Variants in PAAF1 observed in about 807,000 individuals in gnomAD.
PAAF1 encodes the protein proteasomal ATPase associated factor 1.
Under a neutral mutation model 52.8 loss-of-function variants are expected in PAAF1, and 46 were observed. The ratio of observed to expected loss-of-function variants is 0.87; its 90% CI spans 0.69 to 1.11. PAAF1 has a LOEUF of 1.11. Among genes scored for constraint, PAAF1 ranks in the 50% most tolerant of loss-of-function variants. The pLI is 0.00. For synonymous variants in PAAF1, 178 were observed against 172.8 expected (o/e 1.03, Z -0.24); for missense variants, 424 against 477.4 (o/e 0.89, Z 1.04).
chr11:73,916,114 A>T (rs954123741), intron 8 of PAAF1, among the ~76,000 whole-genome samples: 1 of 151,994 alleles, frequency 6.6e-6, no homozygotes, highest in Non-Finnish European at 1.5e-5. Context: ...TTACATTGCT[A>T]CTTTATTTAA....
intron 7 of PAAF1, among the ~76,000 whole-genome samples, chr11:73,910,989 C>CAAA (rs59523527): frequency 5.8e-5 from 4 of 69,470 alleles, no homozygotes; most frequent in Non-Finnish European, 9.0e-5. Context: ...GACTCTGTCT[C>CAAA]AAAAAAAAAA....
rs1035366295 is a variant in PAAF1 at position 73,928,535 on chromosome 11, T to A, written c.*1173T>A. 3 of 152,228 alleles carry A rather than the reference T, an allele frequency of 2.0e-5. No individual in the cohort carries two copies. Among genetic ancestry groups the A allele is most frequent in the African/African-American group, 7.2e-5 (3 of 41,462 alleles). 9.4% of individuals were successfully genotyped at this position (152,228 alleles called of 1,614,324 possible). Reference sequence around the variant, plus strand: ...CTCTGAGATTTTCCATCTCAGTACATGTAGACGTTCCTCATTCTTTTTTAA... The same window carrying A: ...CTCTGAGATTTTCCATCTCAGTACAAGTAGACGTTCCTCATTCTTTTTTAA... On this transcript the variant is annotated 3_prime_UTR_variant, in exon 12 of 12. Coordinates refer to ENST00000310571, the MANE Select transcript of PAAF1 (RefSeq NM_025155.3).
intron 6 of PAAF1, among the ~76,000 whole-genome samples, chr11:73,901,646 A>G (rs1949616368): frequency 6.6e-6 from 1 of 151,288 alleles, no homozygotes; most frequent in Non-Finnish European, 1.5e-5. Context: ...TCTGTCGCCT[A>G]GGCCGGAGTC....
chr11:73,893,629 C>T (rs183986287), intron 4 of PAAF1, among the ~76,000 whole-genome samples: 8 of 146,424 alleles, frequency 5.5e-5, no homozygotes, highest in Admixed American at 2.8e-4. Context: ...CCCAGCTACT[C>T]GGGAGGTTGA....
At chr11:73,902,879 T>A (rs1416714164) in intron 6 of PAAF1, among the ~76,000 whole-genome samples, 4 of 152,162 alleles carry the variant, frequency 2.6e-5, no homozygotes, top group Non-Finnish European at 5.9e-5. Flanking sequence ...TTTTGTATTT[T>A]TAGTAGAGAC....
chr11:73,885,351 C>T (rs1034040968), intron 2 of PAAF1, among the ~76,000 whole-genome samples: 10 of 151,108 alleles, frequency 6.6e-5, no homozygotes, highest in African/African-American at 2.2e-4. Flanking sequence ...ACTATGTTGG[C>T]CAGGCTGGTC....
rs1334152798 is a variant in PAAF1, at chr11:73,899,240, T to A, written c.377T>A (p.Leu126His). 6.2e-7 allele frequency: 1 copy of A among 1,613,294 alleles called. No homozygotes were observed. The highest frequency in any genetic ancestry group is 8.5e-7 in the Non-Finnish European group (1 of 1,179,416). ...MKIWQASNGE[L>H]RRVLEGHVFD... ...ATCTGGCAGGCTTCCAATGGAGAACTCAGGGTAAAGGATTTGGATGTACTT... is the reference window on the plus strand; with the variant it reads ...ATCTGGCAGGCTTCCAATGGAGAACACAGGGTAAAGGATTTGGATGTACTT... The change falls in exon 5 of 12, where the codon CTC becomes CAC. Residue 126 changes from leucine to histidine, a missense_variant. Transcript: ENST00000310571.
rs973261781 is a variant in PAAF1 at position 73,899,142 on chromosome 11, A to G, written c.283-4A>G. ...AACACATTGTTTGTTTTCTCTTTGA[A>G]CAGATAACATGCCTGGACATTTCCA... On this transcript the variant is annotated splice_region_variant and splice_polypyrimidine_tract_variant and intron_variant, in intron 4 of 11. Coordinates refer to ENST00000310571, the MANE Select transcript of PAAF1 (RefSeq NM_025155.3). 115 of 1,609,398 alleles carry G rather than the reference A, an allele frequency of 7.1e-5. No homozygotes were observed. Among genetic ancestry groups the G allele is most frequent in the Non-Finnish European group, 9.5e-5 (112 of 1,175,932 alleles).
At position 73,891,126 on chromosome 11, in the gene PAAF1, T is replaced by A; in HGVS notation, c.207T>A (p.Ile69=). ...TCTTTGTTTAGAAAAGCATTCATAT[T>A]TCATGTCCAAAGGAAAATGCATCTT... ...VNEINKKSIH[I]SCPKENASSK... is the part of the protein sequence containing the mutation. Residue 69 remains isoleucine, a synonymous_variant, in exon 4 of 12, where the codon ATT becomes ATA. Transcript: ENST00000310571. 1.3e-6 allele frequency: 2 copies of A among 1,595,560 alleles called. No homozygotes were observed. The highest frequency in any genetic ancestry group is 8.6e-7 in the Non-Finnish European group (1 of 1,164,794).
chr11:73,892,065 G>A (rs1396422833), intron 4 of PAAF1, among the ~76,000 whole-genome samples: 3 of 152,090 alleles, frequency 2.0e-5, no homozygotes, highest in Non-Finnish European at 4.4e-5. Context: ...GCTCATGCCC[G>A]TAATCCTAGC....
chr11:73,887,483 C>A, intron 3 of PAAF1, 26 bp downstream of exon 3: 1 of 1,493,932 alleles, frequency 6.7e-7, no homozygotes, highest in South Asian at 1.2e-5. Context: ...TTCTAGATGG[C>A]ATGATATTTA....
Position 73,914,504 on chromosome 11 carries a change from GGCAA to G in PAAF1, c.819+2_819+5del. 6.2e-7 allele frequency: 1 copy of G among 1,613,780 alleles called. No homozygotes were observed. The highest frequency in any genetic ancestry group is 2.2e-5 in the East Asian group (1 of 44,860). On this transcript the variant is annotated splice_donor_variant and splice_donor_region_variant and intron_variant, in intron 8 of 11. Coordinates refer to ENST00000310571, the MANE Select transcript of PAAF1 (RefSeq NM_025155.3). LOFTEE classifies it high-confidence loss of function. ...GCTTGGGACTACAGAGCAGGCAGCT[GGCAA>G]GTGGTTCCTATATGACCTTTGAACT...
intron 6 of PAAF1, 89 bp from the exon 7 acceptor site, chr11:73,909,310 G>T: frequency 8.4e-7 from 1 of 1,185,304 alleles, no homozygotes; most frequent in South Asian, 1.4e-5. Flanking sequence ...TTTGTGAAGG[G>T]ATGGAGTCAT....
chr11:73,900,260 GTT>G lies in PAAF1; in HGVS notation c.382-6_382-5del. ...GAGAACTAGCATGGAATTTTCTTTT[GTT>G]TTTCCAGAGAGTATTGGAAGGACAT... On this transcript the variant is annotated splice_polypyrimidine_tract_variant and splice_region_variant and intron_variant, in intron 5 of 11. Transcript: ENST00000310571. 6.3e-7 allele frequency: 1 copy of G among 1,584,916 alleles called. No individual in the cohort carries two copies. The highest frequency in any genetic ancestry group is 8.6e-7 in the Non-Finnish European group (1 of 1,159,828).
chr11:73,914,645 A>C (rs1390886227), intron 8 of PAAF1, 141 bp downstream of exon 8: 5 of 593,744 alleles, frequency 8.4e-6, no homozygotes, highest in African/African-American at 1.9e-5. Flanking sequence ...AGTACAGTGT[A>C]ATGATTAAGA....
chr11:73,899,059 G>A, intron 4 of PAAF1, 87 bp from the exon 5 acceptor site: 1 of 1,055,918 alleles, frequency 9.5e-7, no homozygotes, highest in African/African-American at 1.6e-5. Context: ...TCTTGGAAGA[G>A]TGAAAAAAGG....
At chr11:73,885,486 T>G (rs970111564) in intron 2 of PAAF1, among the ~76,000 whole-genome samples, 1 of 151,970 alleles carries the variant, frequency 6.6e-6, no homozygotes, top group South Asian at 2.1e-4. Flanking sequence ...CTTGGAGTTT[T>G]CTTTTCCCTA....
intron 3 of PAAF1, among the ~76,000 whole-genome samples, chr11:73,889,430 C>T (rs1949144998): frequency 6.6e-6 from 1 of 152,176 alleles, no homozygotes; most frequent in Non-Finnish European, 1.5e-5. Flanking sequence ...ACTTTTTCCC[C>T]TTGGATTTTG....
At chr11:73,889,703 A>G (rs185134310) in intron 3 of PAAF1, among the ~76,000 whole-genome samples, 1 of 152,224 alleles carries the variant, frequency 6.6e-6, no homozygotes, top group Non-Finnish European at 1.5e-5. Context: ...AGCTCCTTGC[A>G]TCCTTGCTAA....
Sources: gnomAD v4.1 joint callset for allele counts (sites outside exome capture counted in the v4.1 genomes callset) on GRCh38, gnomAD v4.1.1 for gene constraint, MANE v1.5 for transcripts, NCBI Gene and HGNC (gene_info 2026-07-23, HGNC 2026-07-21) for gene names.